Variants in COL8A1 observed in about 807,000 individuals in gnomAD.
COL8A1 encodes collagen alpha-1(VIII) chain.
Under a neutral mutation model 42.7 loss-of-function variants are expected in COL8A1, and 21 were observed. The ratio of observed to expected loss-of-function variants is 0.49; its 90% CI spans 0.35 to 0.71. The LOEUF is 0.71. Ranked by LOEUF, COL8A1 falls within the 30% of genes least tolerant of loss-of-function variation. The pLI is 0.01. For synonymous variants in COL8A1, 367 were observed against 369.1 expected, an observed-to-expected ratio of 0.99 and a Z score of 0.06; for missense variants, 788 against 962.4, an observed-to-expected ratio of 0.82 and a Z score of 2.40.
intron 2 of COL8A1, among the ~76,000 whole-genome samples, chr3:99,770,922 G>A (rs1010423031): frequency 4.6e-5 from 7 of 152,288 alleles, no homozygotes; most frequent in Admixed American, 2.6e-4. Flanking sequence ...CTGGGTTTGC[G>A]CACTGCCTTC....
intron 2 of COL8A1, among the ~76,000 whole-genome samples, chr3:99,753,379 G>GA (rs1941190816): frequency 1.3e-5 from 2 of 152,188 alleles, no homozygotes; most frequent in South Asian, 4.1e-4. Context: ...CCATCACAAG[G>GA]ACTAGGTGCC....
intron 2 of COL8A1, among the ~76,000 whole-genome samples, chr3:99,789,753 C>A (rs959022441): frequency 1.3e-5 from 2 of 152,304 alleles, no homozygotes; most frequent in South Asian, 2.1e-4. Context: ...AGTTAAACAT[C>A]TCCCTCTTAT....
At chr3:99,640,056 T>C (rs919164705) in intron 1 of COL8A1, among the ~76,000 whole-genome samples, 1 of 152,130 alleles carries the variant, frequency 6.6e-6, no homozygotes, top group Non-Finnish European at 1.5e-5. Context: ...TCAAAAGTAA[T>C]AAAAATATTT....
intron 1 of COL8A1, among the ~76,000 whole-genome samples, chr3:99,641,145 G>C (rs1481203939): frequency 6.6e-6 from 1 of 151,988 alleles, no homozygotes. Context: ...AAAAATCAAG[G>C]AGAAGAGGAT....
At chr3:99,665,900 A>G (rs1346763109) in intron 1 of COL8A1, among the ~76,000 whole-genome samples, 2 of 149,866 alleles carry the variant, frequency 1.3e-5, no homozygotes, top group Non-Finnish European at 3.0e-5. Context: ...CATGTTGGCC[A>G]GGCTGGTCTC....
At chr3:99,684,914 T>C (rs962939159) in intron 1 of COL8A1, among the ~76,000 whole-genome samples, 1 of 152,192 alleles carries the variant, frequency 6.6e-6, no homozygotes, top group East Asian at 1.9e-4. Context: ...CTGGCGTAAT[T>C]GCAGTTGGGA....
At chr3:99,738,461 C>A (rs954516382) in intron 1 of COL8A1, among the ~76,000 whole-genome samples, 8 of 152,298 alleles carry the variant, frequency 5.3e-5, no homozygotes, top group Non-Finnish European at 8.8e-5. Context: ...CCCTCAGCTG[C>A]AGGTCTGTTG....
chr3:99,780,354 C>A (rs540824337), intron 2 of COL8A1, among the ~76,000 whole-genome samples: 3 of 152,324 alleles, frequency 2.0e-5, no homozygotes, highest in Admixed American at 1.3e-4. Flanking sequence ...TCTGCTCTTG[C>A]TAACTTCATC....
At chr3:99,683,629 G>C (rs1474031879) in intron 1 of COL8A1, among the ~76,000 whole-genome samples, 2 of 151,624 alleles carry the variant, frequency 1.3e-5, no homozygotes, top group Admixed American at 1.3e-4. Context: ...GGAGTGGGTT[G>C]TCCTTCTGGG....
Position 99,699,855 on chromosome 3 carries a change from A to C in COL8A1, c.-128-45042A>C, listed in dbSNP as rs2107345130. 1.3e-5 allele frequency among the ~76,000 whole-genome samples: 2 copies of C among 152,164 alleles called. 1 individual carries two copies. The highest frequency in any genetic ancestry group is 4.2e-4 in the South Asian group (2 of 4,804). ...GACACACACACTCTTACACAAACAT[A>C]CCGTCTTTTTTAACATTTTAAGTAC... On this transcript the variant is annotated intron_variant, in intron 1 of 3. Coordinates refer to ENST00000652472, the MANE Select transcript of COL8A1 (RefSeq NM_020351.4).
rs1941913235 is a variant in COL8A1, at chr3:99,787,194, A to G, written c.-3-3486A>G. ...GATGAGCATTTAAAATATCTATCAC[A>G]TTATTCTGTTAATATATGTATCACA... On this transcript the variant is annotated intron_variant, in intron 2 of 3. Transcript: ENST00000652472. Among the ~76,000 whole-genome samples the G allele has an allele frequency of 2.0e-5, 3 of 152,328 alleles. No individual in the cohort carries two copies. In the South Asian group the frequency reaches 6.2e-4, roughly 32 times the overall value.
intron 1 of COL8A1, among the ~76,000 whole-genome samples, chr3:99,702,215 A>C (rs1276157756): frequency 6.6e-6 from 1 of 152,210 alleles, no homozygotes; most frequent in African/African-American, 2.4e-5. Flanking sequence ...AAAGTCATTA[A>C]CAAACAACTC....
chr3:99,665,325 G>A (rs1938331944), intron 1 of COL8A1, among the ~76,000 whole-genome samples: 1 of 152,242 alleles, frequency 6.6e-6, no homozygotes, highest in Non-Finnish European at 1.5e-5. Flanking sequence ...ACAGGCAGAT[G>A]GTTTTAGTCT....
intron 2 of COL8A1, among the ~76,000 whole-genome samples, chr3:99,746,098 G>A (rs1941019799): frequency 6.6e-6 from 1 of 152,152 alleles, no homozygotes; most frequent in Non-Finnish European, 1.5e-5. Context: ...GAAAGGAAAA[G>A]CACAGCATTT....
At chr3:99,746,975 T>C (rs1049126732) in intron 2 of COL8A1, among the ~76,000 whole-genome samples, 12 of 152,206 alleles carry the variant, frequency 7.9e-5, no homozygotes, top group Non-Finnish European at 1.5e-5. Context: ...ATGTTTTATG[T>C]AGTTTATTAA....
At chr3:99,759,952 A>T (rs1217742346) in intron 2 of COL8A1, among the ~76,000 whole-genome samples, 2 of 152,288 alleles carry the variant, frequency 1.3e-5, no homozygotes, top group East Asian at 3.9e-4. Flanking sequence ...TATTTCTACC[A>T]TGGACAATCA....
intron 1 of COL8A1, among the ~76,000 whole-genome samples, chr3:99,715,924 T>C (rs1939982368): frequency 6.6e-6 from 1 of 152,056 alleles, no homozygotes; most frequent in South Asian, 2.1e-4. Flanking sequence ...GATTTCCCTA[T>C]TTCATGGAGT....
chr3:99,777,978 T>C (rs1421629714), intron 2 of COL8A1, among the ~76,000 whole-genome samples: 3 of 152,176 alleles, frequency 2.0e-5, no homozygotes, highest in Non-Finnish European at 4.4e-5. Flanking sequence ...TGGTCAATAA[T>C]GTATCCTTGG....
chr3:99,733,118 CTTTTTTT>C (rs71130093), intron 1 of COL8A1, among the ~76,000 whole-genome samples: 3 of 132,304 alleles, frequency 2.3e-5, no homozygotes, highest in Admixed American at 1.5e-4. Flanking sequence ...CAGCTTTTTT[CTTTTTTT>C]TTTTTTTTTA....
Sources: gnomAD v4.1 joint callset for allele counts (sites outside exome capture counted in the v4.1 genomes callset) on GRCh38, gnomAD v4.1.1 for gene constraint, MANE v1.5 for transcripts, NCBI Gene and HGNC (gene_info 2026-07-23, HGNC 2026-07-21) for gene names.